Variants in ST6GALNAC5 observed in about 807,000 individuals in gnomAD.
ST6GALNAC5 encodes ST6 N-acetylgalactosaminide alpha-2,6-sialyltransferase 5, also known as alpha-N-acetylgalactosaminide alpha-2,6-sialyltransferase 5.
In ST6GALNAC5, 27 loss-of-function variants were observed where a neutral mutation model predicts 33.6. That is an observed-to-expected ratio of 0.80 (90% CI 0.59 to 1.11). The LOEUF is 1.11. Ranked by LOEUF, ST6GALNAC5 falls within the 50% of genes least tolerant of loss-of-function variation. The pLI is 0.00. For missense variants in ST6GALNAC5, 428 were observed against 454.0 expected (o/e 0.94, Z 0.52); for synonymous variants, 194 against 171.2 (o/e 1.13, Z -1.04).
chr1:77,007,974 A>G (rs969526872), intron 2 of ST6GALNAC5, among the ~76,000 whole-genome samples: 3 of 152,228 alleles, frequency 2.0e-5, no homozygotes, highest in Non-Finnish European at 4.4e-5. Context: ...GGATGGCTAC[A>G]ACAGACATTT....
At chr1:76,966,467 G>T (rs1364823811) in intron 2 of ST6GALNAC5, among the ~76,000 whole-genome samples, 1 of 152,226 alleles carries the variant, frequency 6.6e-6, no homozygotes, top group Non-Finnish European at 1.5e-5. Context: ...AGACTTTGCT[G>T]AAATTGCTTA....
chr1:76,971,533 GC>G (rs1570723178), intron 2 of ST6GALNAC5, among the ~76,000 whole-genome samples: 1 of 152,040 alleles, frequency 6.6e-6, no homozygotes, highest in African/African-American at 2.4e-5. Flanking sequence ...CTCTTTTAAT[GC>G]TATGATCTTA....
chr1:76,921,569 G>A (rs1308336932), intron 2 of ST6GALNAC5, among the ~76,000 whole-genome samples: 3 of 152,116 alleles, frequency 2.0e-5, no homozygotes, highest in Non-Finnish European at 4.4e-5. Flanking sequence ...GGGATACTGT[G>A]AGCAGCTTTA....
chr1:77,007,117 A>G (rs1287831767), intron 2 of ST6GALNAC5, among the ~76,000 whole-genome samples: 1 of 152,216 alleles, frequency 6.6e-6, no homozygotes, highest in Non-Finnish European at 1.5e-5. Context: ...GTGTCAGTAT[A>G]GAGGGCACTA....
At chr1:76,929,696 A>G (rs1647119848) in intron 2 of ST6GALNAC5, among the ~76,000 whole-genome samples, 1 of 152,198 alleles carries the variant, frequency 6.6e-6, no homozygotes, top group African/African-American at 2.4e-5. Context: ...AGGTGCTGTC[A>G]CTGTAAAATA....
intron 2 of ST6GALNAC5, among the ~76,000 whole-genome samples, chr1:76,990,680 G>A (rs1053557197): frequency 6.6e-6 from 1 of 152,156 alleles, no homozygotes; most frequent in Non-Finnish European, 1.5e-5. Context: ...TGGAAAAATG[G>A]ATCACTGACA....
chr1:76,930,361 A>AC (rs11462200), intron 2 of ST6GALNAC5, among the ~76,000 whole-genome samples: 141,485 of 151,994 alleles, frequency 0.93, 65,913 homozygotes, highest in East Asian at 1. Context: ...GTGCACCTTC[A>AC]CTCAGTAGGT....
At chr1:76,906,136 T>C (rs1646862292) in intron 2 of ST6GALNAC5, among the ~76,000 whole-genome samples, 1 of 152,206 alleles carries the variant, frequency 6.6e-6, no homozygotes, top group African/African-American at 2.4e-5. Flanking sequence ...AGCTGTTATC[T>C]GGCAACAAAA....
intron 2 of ST6GALNAC5, among the ~76,000 whole-genome samples, chr1:76,912,268 G>A (rs1326267654): frequency 2.6e-5 from 4 of 151,590 alleles, no homozygotes; most frequent in Admixed American, 1.3e-4. Context: ...GTTCTAGTTT[G>A]ATTGCACTGT....
intron 2 of ST6GALNAC5, among the ~76,000 whole-genome samples, chr1:76,912,330 G>C (rs923431654): frequency 2.0e-5 from 3 of 151,960 alleles, no homozygotes; most frequent in African/African-American, 7.3e-5. Flanking sequence ...TTGCTGAGGG[G>C]AGCTTTACTT....
At chr1:76,985,883 C>G (rs1052823130) in intron 2 of ST6GALNAC5, among the ~76,000 whole-genome samples, 6 of 152,028 alleles carry the variant, frequency 3.9e-5, no homozygotes, top group Non-Finnish European at 7.4e-5. Context: ...CTTTGACAAA[C>G]CTGACAAAAA....
At chr1:76,875,516 G>A (rs1486354581) in intron 2 of ST6GALNAC5, among the ~76,000 whole-genome samples, 1 of 152,172 alleles carries the variant, frequency 6.6e-6, no homozygotes, top group Non-Finnish European at 1.5e-5. Context: ...CTTAAAGGTA[G>A]GAGGAACCCA....
At chr1:76,879,900 G>T (rs1281020703) in intron 2 of ST6GALNAC5, among the ~76,000 whole-genome samples, 2 of 152,148 alleles carry the variant, frequency 1.3e-5, no homozygotes, top group African/African-American at 4.8e-5. Context: ...GTAGACACTG[G>T]GTGAGGCTGT....
intron 4 of ST6GALNAC5, among the ~76,000 whole-genome samples, chr1:77,056,293 A>C (rs547117386): frequency 6.6e-6 from 1 of 152,316 alleles, no homozygotes; most frequent in South Asian, 2.1e-4. Context: ...TGCTTTCCAA[A>C]CTAAGTTATG....
At chr1:76,948,313 C>T (rs765826597) in intron 2 of ST6GALNAC5, among the ~76,000 whole-genome samples, 6 of 152,154 alleles carry the variant, frequency 3.9e-5, no homozygotes, top group Non-Finnish European at 7.4e-5. Flanking sequence ...ACCACTGTCT[C>T]TGCTGCGGGA....
rs1320746628 is a variant in ST6GALNAC5 at position 77,065,632 on chromosome 1, A to G, written c.*2426A>G. 1 of 152,218 alleles carries G rather than the reference A, an allele frequency of 6.6e-6. No homozygotes were observed. The highest frequency in any genetic ancestry group is 2.4e-5 in the African/African-American group (1 of 41,454). The allele number at this position is 152,218 out of a possible 1,614,324, so 9.4% of individuals were successfully genotyped here. A position where few individuals can be genotyped will look rare whatever the true frequency, so the allele number is the denominator to read the frequency against. On this transcript the variant is annotated 3_prime_UTR_variant, in exon 5 of 5. Coordinates refer to ENST00000477717, the MANE Select transcript of ST6GALNAC5 (RefSeq NM_030965.3). ...GATGAACCTGGTTGTGGGCAATTGA[A>G]TTCTTGTCTTCCCACTACCATTTCA...
At chr1:76,954,978 G>A (rs1026462180) in intron 2 of ST6GALNAC5, among the ~76,000 whole-genome samples, 1 of 152,120 alleles carries the variant, frequency 6.6e-6, no homozygotes, top group Non-Finnish European at 1.5e-5. Flanking sequence ...AGAAGGGATT[G>A]GGGATACAGC....
At chr1:76,911,723 A>G (rs1406776296) in intron 2 of ST6GALNAC5, among the ~76,000 whole-genome samples, 1 of 152,042 alleles carries the variant, frequency 6.6e-6, no homozygotes, top group Non-Finnish European at 1.5e-5. Flanking sequence ...TTTCTAGTTT[A>G]TTTGCATAGA....
chr1:77,055,453 A>T (rs145237433), intron 4 of ST6GALNAC5, among the ~76,000 whole-genome samples: 1 of 152,276 alleles, frequency 6.6e-6, no homozygotes, highest in East Asian at 1.9e-4. Flanking sequence ...ACATGAACAC[A>T]TGCATTATTT....
Sources: gnomAD v4.1 joint callset for allele counts (sites outside exome capture counted in the v4.1 genomes callset) on GRCh38, gnomAD v4.1.1 for gene constraint, MANE v1.5 for transcripts, NCBI Gene and HGNC (gene_info 2026-07-23, HGNC 2026-07-21) for gene names.